The following THSD4 variants were observed in gnomAD, a reference collection of about 807,000 sequenced individuals.
THSD4 encodes thrombospondin type 1 domain containing 4, also known as thrombospondin type-1 domain-containing protein 4.
In THSD4, 69 loss-of-function variants were observed where a neutral mutation model predicts 119.0. The observed-to-expected ratio is 0.58, with a 90% CI of 0.48 to 0.71. The LOEUF (loss-of-function observed/expected upper bound fraction) is 0.71. THSD4 is among the 30% of genes least tolerant of loss of function. The pLI, the probability that THSD4 is intolerant of heterozygous loss-of-function variation, is 0.00. For synonymous variants in THSD4, 524 were observed against 540.4 expected (o/e 0.97, Z 0.42); for missense variants, 1,393 against 1,391.1 (o/e 1.00, Z -0.02).
intron 7 of THSD4, among the ~76,000 whole-genome samples, chr15:71,576,564 TG>T (rs1045302746): frequency 3.3e-5 from 5 of 152,196 alleles, no homozygotes; most frequent in Non-Finnish European, 5.9e-5. Context: ...GCCTTCATTT[TG>T]TTTTTTGTTA....
At chr15:71,571,615 G>T (rs1252654318) in intron 7 of THSD4, among the ~76,000 whole-genome samples, 1 of 152,182 alleles carries the variant, frequency 6.6e-6, no homozygotes, top group Non-Finnish European at 1.5e-5. Flanking sequence ...AACACATTTT[G>T]AGTACCTATT....
chr15:71,432,060 A>G (rs943640807), intron 7 of THSD4, among the ~76,000 whole-genome samples: 1 of 152,116 alleles, frequency 6.6e-6, no homozygotes, highest in Admixed American at 6.6e-5. Flanking sequence ...TACGATTATG[A>G]CTGGTAACAT....
intron 7 of THSD4, among the ~76,000 whole-genome samples, chr15:71,606,304 G>T (rs943275060): frequency 1.3e-5 from 2 of 152,206 alleles, no homozygotes; most frequent in Non-Finnish European, 2.9e-5. Context: ...CAGTGGCAGG[G>T]CAGAGAGACC....
chr15:71,215,264 C>A lies in THSD4; in HGVS notation c.329C>A (p.Thr110Lys), dbSNP rs12914419. 3.3e-6 allele frequency: 5 copies of A among 1,506,858 alleles called. No individual in the cohort carries two copies. Among genetic ancestry groups the A allele is most frequent in the Non-Finnish European group, 4.4e-6 (5 of 1,133,796 alleles). The allele number at this position is 1,506,858 out of a possible 1,614,324, so 93.3% of individuals were successfully genotyped here. The change falls in exon 4 of 18, where the codon ACG becomes AAG. Residue 110 changes from threonine (T) to lysine (K), a missense_variant. Physicochemically the swap from Thr to Lys is moderately conservative, Grantham distance 78. Coordinates refer to ENST00000261862, the MANE Select transcript of THSD4 (RefSeq NM_024817.3). ...FADHVVSAVR[T>K]SVPLHRSRDE... is the part of the protein sequence containing the mutation. ...GACCACGTGGTGTCGGCGGTGCGCA[C>A]GTCGGTGCCACTGCACCGGAGCCGC...
At chr15:71,265,854 C>T (rs566697315) in intron 6 of THSD4, among the ~76,000 whole-genome samples, 11 of 152,272 alleles carry the variant, frequency 7.2e-5, no homozygotes, top group Middle Eastern at 3.4e-3. Context: ...AGTTCAAACT[C>T]GGCAGAGCCC....
chr15:71,235,474 T>G (rs1009217812), intron 4 of THSD4, among the ~76,000 whole-genome samples: 1 of 152,132 alleles, frequency 6.6e-6, no homozygotes, highest in Non-Finnish European at 1.5e-5. Context: ...CAACAATAAA[T>G]AGGCTTTCAT....
intron 3 of THSD4, among the ~76,000 whole-genome samples, chr15:71,163,077 A>G (rs1215348134): frequency 1.3e-5 from 2 of 151,864 alleles, no homozygotes; most frequent in African/African-American, 2.4e-5. Context: ...TTTATATCTT[A>G]CTGAATTTCC....
At chr15:71,775,114 C>T (rs2053890632) in intron 17 of THSD4, among the ~76,000 whole-genome samples, 1 of 151,860 alleles carries the variant, frequency 6.6e-6, no homozygotes, top group Non-Finnish European at 1.5e-5. Context: ...CCATTGCACT[C>T]CAGCCTGCGC....
At chr15:71,335,095 C>T (rs1325690260) in intron 6 of THSD4, among the ~76,000 whole-genome samples, 1 of 152,152 alleles carries the variant, frequency 6.6e-6, no homozygotes, top group African/African-American at 2.4e-5. Flanking sequence ...ATCTGTGAAA[C>T]ATGTTGGATC....
chr15:71,762,603 C>T (rs1267180137), intron 15 of THSD4, among the ~76,000 whole-genome samples: 2 of 152,238 alleles, frequency 1.3e-5, no homozygotes, highest in African/African-American at 2.4e-5. Flanking sequence ...GCCCCATCCT[C>T]ATTCCTCCTG....
intron 6 of THSD4, among the ~76,000 whole-genome samples, chr15:71,357,528 C>G (rs374681920): frequency 6.6e-6 from 1 of 152,184 alleles, no homozygotes; most frequent in Admixed American, 6.5e-5. Flanking sequence ...TGCCAGGTTT[C>G]GAGAAAGTAT....
chr15:71,160,504 G>A (rs540385037), intron 3 of THSD4, among the ~76,000 whole-genome samples: 1 of 151,976 alleles, frequency 6.6e-6, no homozygotes, highest in South Asian at 2.1e-4. Flanking sequence ...ATATGCTATT[G>A]ATCTCTTCAG....
In THSD4 at chr15:71,706,244, A is replaced by G. The variant is rs186946510; in HGVS notation, c.1358-22305A>G. 1.8e-3 allele frequency among the ~76,000 whole-genome samples: 279 copies of G among 152,098 alleles called. 1 individual carries two copies. Among genetic ancestry groups the G allele is most frequent in the Non-Finnish European group, 3.3e-3 (227 of 68,006 alleles). On this transcript the variant is annotated intron_variant, in intron 8 of 17. Coordinates refer to ENST00000261862, the MANE Select transcript of THSD4 (RefSeq NM_024817.3). ...GGATGCAGCTTGCTTGTAAAATAGG[A>G]TTTTGTAGTTGATTCGCTGCTAGGG...
intron 7 of THSD4, among the ~76,000 whole-genome samples, chr15:71,582,090 C>T (rs949007931): frequency 1.3e-5 from 2 of 152,078 alleles, no homozygotes; most frequent in African/African-American, 4.8e-5. Context: ...CTGTAGATCA[C>T]TTTTGGTAGT....
intron 6 of THSD4, among the ~76,000 whole-genome samples, chr15:71,318,233 C>T (rs1337564772): frequency 6.6e-6 from 1 of 152,120 alleles, no homozygotes; most frequent in African/African-American, 2.4e-5. Context: ...GACAGAGATT[C>T]AAGACAACTG....
intron 1 of THSD4, among the ~76,000 whole-genome samples, chr15:71,099,054 G>A (rs754381326): frequency 2.0e-4 from 31 of 152,164 alleles, no homozygotes; most frequent in Non-Finnish European, 4.3e-4. Context: ...CACTCACCAA[G>A]GTCTCACAGC....
chr15:71,657,481 C>A (rs74022188), intron 7 of THSD4, among the ~76,000 whole-genome samples: 449 of 152,270 alleles, frequency 2.9e-3, no homozygotes, highest in African/African-American at 0.01. Context: ...ATATTAAGGT[C>A]TTGAATATGT....
At chr15:71,368,150 ATTTG>A (rs2045992013) in intron 6 of THSD4, among the ~76,000 whole-genome samples, 2 of 151,922 alleles carry the variant, frequency 1.3e-5, no homozygotes, top group South Asian at 4.1e-4. Context: ...TTTCTTGTAA[ATTTG>A]TTTGAGTTCT....
rs1475328324 is a variant in THSD4 at position 71,782,418 on chromosome 15, G to C, written c.*5044G>C. On this transcript the variant is annotated 3_prime_UTR_variant, in exon 18 of 18. Coordinates refer to ENST00000261862, the MANE Select transcript of THSD4 (RefSeq NM_024817.3). ...CTCAGTTGACAGAAGGATATACTTT[G>C]TTATAACTTATTATTTTGTTCTCTG... 1 of 152,082 alleles carries C rather than the reference G, an allele frequency of 6.6e-6. No individual in the cohort carries two copies. The highest frequency in any genetic ancestry group is 1.5e-5 in the Non-Finnish European group (1 of 68,018). The allele number at this position is 152,082 out of a possible 1,614,324, so 9.4% of individuals were successfully genotyped here. A position where few individuals can be genotyped will look rare whatever the true frequency, so the allele number is the denominator to read the frequency against.
Sources: gnomAD v4.1 joint callset for allele counts (sites outside exome capture counted in the v4.1 genomes callset) on GRCh38, gnomAD v4.1.1 for gene constraint, MANE v1.5 for transcripts, NCBI Gene and HGNC (gene_info 2026-07-23, HGNC 2026-07-21) for gene names.